The following KCNU1 variants were observed in gnomAD, a reference collection of about 807,000 sequenced individuals.
The protein encoded by KCNU1 is potassium channel subfamily U member 1.
KCNU1 carries 93 observed loss-of-function variants against 126.8 expected under a neutral mutation model. That is an observed-to-expected ratio of 0.73 (90% CI 0.62 to 0.87). KCNU1 has a LOEUF of 0.87. Among genes scored for constraint, KCNU1 ranks in the 40% least tolerant of loss-of-function variants. KCNU1 has a pLI of 0.00. For synonymous variants in KCNU1, 523 were observed against 494.2 expected (o/e 1.06, Z -0.77); for missense variants, 1,330 against 1,367.1 (o/e 0.97, Z 0.43).
intron 26 of KCNU1, among the ~76,000 whole-genome samples, chr8:36,935,302 C>G (rs940909600): frequency 1.3e-5 from 2 of 152,128 alleles, no homozygotes; most frequent in African/African-American, 4.8e-5. Context: ...AGCCAGCCCC[C>G]TCATTCCTAC....
intron 8 of KCNU1, among the ~76,000 whole-genome samples, chr8:36,814,599 C>G (rs1290292552): frequency 1.3e-5 from 2 of 152,094 alleles, no homozygotes; most frequent in African/African-American, 4.8e-5. Context: ...GGATAGTAGG[C>G]AAAGGAAGCA....
In KCNU1 at chr8:36,854,025, C is replaced by T. The variant is rs115065920; in HGVS notation, c.1891+8126C>T. On this transcript the variant is annotated intron_variant, in intron 18 of 26. Transcript: ENST00000399881. ...TTGTTGGCAGTTGTTTCTCATTCAGCGCTTTAAATATTTCATCCTACTTCT... is the reference window on the plus strand; with the variant it reads ...TTGTTGGCAGTTGTTTCTCATTCAGTGCTTTAAATATTTCATCCTACTTCT... Among the ~76,000 whole-genome samples, 885 of 152,214 alleles carry T rather than the reference C, an allele frequency of 5.8e-3. 7 individuals carry two copies. The highest frequency in any genetic ancestry group is 0.019 in the African/African-American group (789 of 41,556).
chr8:36,811,394 AG>A (rs1803705716), intron 7 of KCNU1, among the ~76,000 whole-genome samples: 1 of 152,144 alleles, frequency 6.6e-6, no homozygotes, highest in Non-Finnish European at 1.5e-5. Flanking sequence ...GGGTCTATAC[AG>A]GGGGGAACCA....
chr8:36,845,246 T>C (rs767233263), intron 16 of KCNU1, among the ~76,000 whole-genome samples: 2 of 151,696 alleles, frequency 1.3e-5, no homozygotes, highest in African/African-American at 2.4e-5. Flanking sequence ...ATTTGTCATT[T>C]GATAGCTTAA....
intron 19 of KCNU1, among the ~76,000 whole-genome samples, chr8:36,865,191 G>A (rs1805861173): frequency 6.6e-6 from 1 of 152,014 alleles, no homozygotes; most frequent in African/African-American, 2.4e-5. Flanking sequence ...TTATACTGTG[G>A]CATTACATAA....
At chr8:36,859,089 G>C (rs749150919) in intron 18 of KCNU1, among the ~76,000 whole-genome samples, 45 of 152,140 alleles carry the variant, frequency 3.0e-4, no homozygotes, top group Non-Finnish European at 6.0e-4. Flanking sequence ...AGAGTACCAT[G>C]AAATGCTCAC....
chr8:36,810,853 GA>G (rs1563269333), intron 7 of KCNU1, among the ~76,000 whole-genome samples: 2 of 151,984 alleles, frequency 1.3e-5, no homozygotes, highest in African/African-American at 2.4e-5. Context: ...GAAAAGTTAA[GA>G]AAAAATGTCC....
intron 10 of KCNU1, among the ~76,000 whole-genome samples, chr8:36,826,174 T>C (rs1342609554): frequency 6.6e-6 from 1 of 151,510 alleles, no homozygotes; most frequent in Non-Finnish European, 1.5e-5. Flanking sequence ...GTTCCAGTTA[T>C]ATGTCCTGAT....
intron 2 of KCNU1, among the ~76,000 whole-genome samples, chr8:36,799,486 T>C (rs1433978466): frequency 2.0e-5 from 3 of 151,986 alleles, no homozygotes; most frequent in Non-Finnish European, 4.4e-5. Context: ...GTGTTTGTCT[T>C]ATCCTTTTAG....
At position 36,935,960 on chromosome 8, in the gene KCNU1, A is replaced by G. The variant is rs778933767; in HGVS notation, c.*40A>G. 1.3e-6 allele frequency: 2 copies of G among 1,485,128 alleles called. No homozygotes were observed. The highest frequency in any genetic ancestry group is 4.6e-5 in the East Asian group (2 of 43,768). 92.0% of individuals were successfully genotyped at this position (1,485,128 alleles called of 1,614,324 possible). On this transcript the variant is annotated 3_prime_UTR_variant, in exon 27 of 27. Coordinates refer to ENST00000399881, the MANE Select transcript of KCNU1 (RefSeq NM_001031836.3). ...TTCACGTGCTCTTAACTTGCTGCTT[A>G]CAAATCATCTCCTGAGATGCTAACT... is the stretch of plus-strand genomic sequence containing the variant.
chr8:36,813,017 A>G (rs753193642), intron 7 of KCNU1, among the ~76,000 whole-genome samples: 7 of 152,216 alleles, frequency 4.6e-5, no homozygotes, highest in Non-Finnish European at 1.0e-4. Flanking sequence ...GAACCGTGCC[A>G]GTAAATATGA....
In KCNU1 at chr8:36,784,622, G is replaced by C. The variant is rs764729993; in HGVS notation, c.195+17G>C. On this transcript the variant is annotated intron_variant, in intron 1 of 26. Transcript: ENST00000399881. ...ATTATCTTGGTCAGTTTCCTTGTTA[G>C]GGATCCCTCTGTGTGAAGTCAGAGA... The C allele has an allele frequency of 6.3e-7, 1 of 1,586,646 alleles. No homozygotes were observed. Among genetic ancestry groups the C allele is most frequent in the Non-Finnish European group, 8.6e-7 (1 of 1,160,006 alleles).
Position 36,864,408 on chromosome 8 carries a change from A to T in KCNU1, c.1896A>T (p.Pro632=), listed in dbSNP as rs777353631. The change falls in exon 19 of 27, where the codon CCA becomes CCT. Residue 632 remains proline (P), a synonymous_variant. Transcript: ENST00000399881. ...KSRSRQHITV[P]SVKRMKKCLK... is the part of the protein sequence containing the mutation. ...GAGATTTCTATCCTATTGCAGTGCCATCGGTAAAGAGAATGAAAAAATGTC... is the reference window on the plus strand; with the variant it reads ...GAGATTTCTATCCTATTGCAGTGCCTTCGGTAAAGAGAATGAAAAAATGTC... The T allele has an allele frequency of 7.0e-6, 11 of 1,581,714 alleles. No homozygotes were observed. Among genetic ancestry groups the T allele is most frequent in the Non-Finnish European group, 9.6e-6 (11 of 1,150,892 alleles).
At chr8:36,911,258 A>G in intron 22 of KCNU1, 139 bp downstream of exon 22, 1 of 597,438 alleles carries the variant, frequency 1.7e-6, no homozygotes, top group Non-Finnish European at 2.8e-6. Flanking sequence ...AATCCTGAGA[A>G]TCCCATAGTA....
intron 10 of KCNU1, among the ~76,000 whole-genome samples, chr8:36,824,940 G>A (rs1457630695): frequency 6.6e-6 from 1 of 152,106 alleles, no homozygotes; most frequent in Non-Finnish European, 1.5e-5. Context: ...GAATGGTGCT[G>A]TGCAAATTTT....
chr8:36,877,687 T>C (rs971727377), intron 19 of KCNU1, among the ~76,000 whole-genome samples: 1 of 151,876 alleles, frequency 6.6e-6, no homozygotes, highest in African/African-American at 2.4e-5. Context: ...TCTGGTGTGG[T>C]CTTTCCATAT....
chr8:36,883,598 A>C (rs773455632), intron 19 of KCNU1, among the ~76,000 whole-genome samples: 1 of 152,080 alleles, frequency 6.6e-6, no homozygotes, highest in Non-Finnish European at 1.5e-5. Flanking sequence ...AGCCTGGGCA[A>C]CATGGTGAAA....
intron 3 of KCNU1, 97 bp downstream of exon 3, chr8:36,804,185 A>G: frequency 1.3e-6 from 1 of 780,736 alleles, no homozygotes; most frequent in Non-Finnish European, 2.2e-6. Context: ...ATATACTTTC[A>G]CACACACATG....
chr8:36,836,421 A>C, intron 13 of KCNU1, 56 bp downstream of exon 13: 5 of 1,226,400 alleles, frequency 4.1e-6, no homozygotes, highest in Non-Finnish European at 5.8e-6. Flanking sequence ...TAGCTAGACG[A>C]ACTTTTTAAT....
Sources: gnomAD v4.1 joint callset for allele counts (sites outside exome capture counted in the v4.1 genomes callset) on GRCh38, gnomAD v4.1.1 for gene constraint, MANE v1.5 for transcripts, NCBI Gene and HGNC (gene_info 2026-07-23, HGNC 2026-07-21) for gene names.